The following RAE1 variants were observed in gnomAD, a reference collection of about 807,000 sequenced individuals.
RAE1 encodes mRNA export factor RAE1.
Under a neutral mutation model 52.7 loss-of-function variants are expected in RAE1, and 13 were observed. The observed-to-expected ratio is 0.25, with a 90% CI of 0.16 to 0.39. RAE1 has a LOEUF of 0.39. Among genes scored for constraint, RAE1 ranks in the 10% least tolerant of loss-of-function variants. The probability of loss-of-function intolerance (pLI) is 1.00; values close to 1 mark genes in which losing one functional copy is unlikely to be tolerated. For missense variants in RAE1, 262 were observed against 459.8 expected, an observed-to-expected ratio of 0.57 and a Z score of 3.93; for synonymous variants, 164 against 153.1, an observed-to-expected ratio of 1.07 and a Z score of -0.52.
chr20:57,369,798 G>A (rs1026316824), intron 8 of RAE1, among the ~76,000 whole-genome samples: 7 of 152,154 alleles, frequency 4.6e-5, no homozygotes, highest in African/African-American at 1.7e-4. Flanking sequence ...CAGCCAATCA[G>A]ATCAGCTCTT....
At chr20:57,351,517 T>C (rs1475082743) in intron 1 of RAE1, 95 bp downstream of exon 1, 1 of 985,438 alleles carries the variant, frequency 1.0e-6, no homozygotes, top group East Asian at 1.1e-4. Flanking sequence ...TGCGGGATGC[T>C]GGGGCGCGAG....
chr20:57,362,706 G>GA (rs1023432818), intron 4 of RAE1, among the ~76,000 whole-genome samples: 1 of 152,298 alleles, frequency 6.6e-6, no homozygotes, highest in African/African-American at 2.4e-5. Context: ...TGCTGGGTGG[G>GA]AAAAACAATA....
rs1187551409 is a variant in RAE1, at chr20:57,356,835, G to A, written c.288+297G>A. On this transcript the variant is annotated intron_variant, in intron 4 of 11. Coordinates refer to ENST00000395841, the MANE Select transcript of RAE1 (RefSeq NM_003610.4). ...GAAACACCGGTGCCAAGCTGCAGTG[G>A]GCGGGCCTCCTGGAGCACAGCATGA... Among the ~76,000 whole-genome samples, 10 of 152,224 alleles carry A rather than the reference G, an allele frequency of 6.6e-5. No individual in the cohort carries two copies. The East Asian group carries it at 1.7e-3, about 26-fold the overall frequency.
chr20:57,357,428 A>G (rs951486242), intron 4 of RAE1: 4 of 152,118 alleles, frequency 2.6e-5, no homozygotes, highest in Non-Finnish European at 4.4e-5. Context: ...TATATTTCCT[A>G]TGTTTGGGGT....
At chr20:57,377,045 G>T (rs2067126367) in intron 11 of RAE1, among the ~76,000 whole-genome samples, 1 of 152,224 alleles carries the variant, frequency 6.6e-6, no homozygotes, top group Non-Finnish European at 1.5e-5. Flanking sequence ...TATCTCCAGT[G>T]CAAAGTCATG....
chr20:57,351,977 A>G, intron 1 of RAE1: 2 of 985,386 alleles, frequency 2.0e-6, no homozygotes, highest in Non-Finnish European at 2.4e-6. Flanking sequence ...GGGACCCAGT[A>G]TGCATTAAGG....
At chr20:57,356,688 C>G in intron 4 of RAE1, 150 bp downstream of exon 4, 5 of 760,826 alleles carry the variant, frequency 6.6e-6, no homozygotes, top group Admixed American at 3.1e-5. Flanking sequence ...TATTGATGTT[C>G]TTAATGTTGG....
chr20:57,368,635 C>T (rs2066991150), intron 7 of RAE1, 70 bp from the exon 8 acceptor site: 2 of 1,061,784 alleles, frequency 1.9e-6, no homozygotes, highest in African/African-American at 1.6e-5. Context: ...AAAAATTGAT[C>T]AAATACATTA....
Position 57,378,385 on chromosome 20 carries a change from G to A in RAE1, c.*286G>A, listed in dbSNP as rs191736389. The A allele has an allele frequency of 1.0e-4, 36 of 357,040 alleles. No homozygotes were observed. Among genetic ancestry groups the A allele is most frequent in the African/African-American group, 5.1e-4 (25 of 48,566 alleles). The allele number at this position is 357,040 out of a possible 1,614,324, so 22.1% of individuals were successfully genotyped here. On this transcript the variant is annotated 3_prime_UTR_variant, in exon 12 of 12. Coordinates refer to ENST00000395841, the MANE Select transcript of RAE1 (RefSeq NM_003610.4). ...GGGATTTTGCAGCGCTTCAGTGTAC[G>A]TGTTAGAGAATATTGGAAAAGCGTC...
chr20:57,376,407 C>T (rs2067115991), intron 11 of RAE1, among the ~76,000 whole-genome samples: 1 of 152,214 alleles, frequency 6.6e-6, no homozygotes, highest in Non-Finnish European at 1.5e-5. Flanking sequence ...TACGCACACA[C>T]AAAACCATGG....
At chr20:57,363,146 T>C (rs988782713) in intron 4 of RAE1, among the ~76,000 whole-genome samples, 4 of 152,216 alleles carry the variant, frequency 2.6e-5, no homozygotes, top group Non-Finnish European at 4.4e-5. Flanking sequence ...TCTCATCCAA[T>C]TGAGGCCTGG....
chr20:57,373,243 G>T, intron 8 of RAE1: 2 of 538,252 alleles, frequency 3.7e-6, no homozygotes, highest in Non-Finnish European at 6.6e-6. Context: ...CAGAGGGAGA[G>T]CGAGCAGCGG....
At chr20:57,354,536 G>C (rs377163735) in intron 2 of RAE1, among the ~76,000 whole-genome samples, 176 bp from the exon 3 acceptor site, 3 of 152,154 alleles carry the variant, frequency 2.0e-5, no homozygotes, top group Admixed American at 1.3e-4. Context: ...TGGTGGTGCT[G>C]GTACTTTCTC....
At position 57,351,291 on chromosome 20, in the gene RAE1, T is replaced by C. The variant is rs1392289992; in HGVS notation, c.-139T>C. On this transcript the variant is annotated 5_prime_UTR_variant, in exon 1 of 12. Transcript: ENST00000395841. ...AGTCAGGGCAGTTTCTACCGCAGGC[T>C]TAAGGAGGCTTCGGGCTCCTGGGAT... 7 of 985,310 alleles carry C rather than the reference T, an allele frequency of 7.1e-6. No individual in the cohort carries two copies. The highest frequency in any genetic ancestry group is 8.4e-6 in the Non-Finnish European group (7 of 829,924). The allele number at this position is 985,310 out of a possible 1,614,324, so 61.0% of individuals were successfully genotyped here.
chr20:57,376,682 C>T (rs2067120610), intron 11 of RAE1, among the ~76,000 whole-genome samples: 1 of 152,164 alleles, frequency 6.6e-6, no homozygotes, highest in Non-Finnish European at 1.5e-5. Flanking sequence ...TTGGTTCTGC[C>T]TGGCTGGGGG....
intron 10 of RAE1, 114 bp downstream of exon 10, chr20:57,373,852 T>A: frequency 8.9e-7 from 1 of 1,123,056 alleles, no homozygotes; most frequent in East Asian, 2.4e-5. Context: ...TGTGTTCATG[T>A]CCGGAGATAA....
intron 11 of RAE1, chr20:57,375,235 G>T: frequency 1.7e-6 from 1 of 600,350 alleles, no homozygotes; most frequent in Admixed American, 2.9e-5. Context: ...ATGGTGAAAT[G>T]TGTAGACTCG....
intron 4 of RAE1, among the ~76,000 whole-genome samples, chr20:57,363,526 G>C (rs1373967123): frequency 6.6e-6 from 1 of 152,022 alleles, no homozygotes; most frequent in Admixed American, 6.6e-5. Flanking sequence ...AAAATTATCT[G>C]AGTGTGATGG....
intron 1 of RAE1, among the ~76,000 whole-genome samples, chr20:57,353,604 AGGTGGAAACCTGAAAGCAC>A (rs1600702234): frequency 6.6e-6 from 1 of 152,244 alleles, no homozygotes; most frequent in Admixed American, 6.5e-5. Context: ...AATGCCCACT[AGGTGGAAACCTGAAAGCAC>A]GGGGACCTGC....
Sources: allele counts gnomAD v4.1 joint callset (sites outside exome capture counted in the v4.1 genomes callset), GRCh38; gene constraint gnomAD v4.1.1; transcripts MANE v1.5; gene names NCBI Gene and HGNC (gene_info 2026-07-23, HGNC 2026-07-21).